NRG3: variants seen among roughly 807,000 people sequenced by gnomAD.
NRG3 encodes neuregulin 3.
A neutral mutation model predicts 66.9 loss-of-function variants in NRG3; 31 were observed. The observed-to-expected ratio is 0.46, with a 90% CI of 0.35 to 0.63. NRG3 has a LOEUF of 0.63. Among genes scored for constraint, NRG3 ranks in the 20% least tolerant of loss-of-function variants. The probability of loss-of-function intolerance (pLI) is 0.00; values close to 1 mark genes in which losing one functional copy is unlikely to be tolerated. For synonymous variants in NRG3, 393 were observed against 359.4 expected (o/e 1.09, Z -1.06); for missense variants, 910 against 878.9 (o/e 1.04, Z -0.45).
At chr10:82,134,958 A>G (rs183122704) in intron 1 of NRG3, among the ~76,000 whole-genome samples, 1 of 151,800 alleles carries the variant, frequency 6.6e-6, no homozygotes, top group African/African-American at 2.4e-5. Flanking sequence ...CCTCATCTCT[A>G]CTAAAAAATA....
At chr10:82,976,385 T>C (rs1390636146) in intron 7 of NRG3, among the ~76,000 whole-genome samples, 1 of 151,976 alleles carries the variant, frequency 6.6e-6, no homozygotes, top group South Asian at 2.1e-4. Flanking sequence ...TGTATGTAGG[T>C]TTTTTGCATT....
chr10:81,894,134 A>G (rs2132586878), intron 1 of NRG3, among the ~76,000 whole-genome samples: 1 of 152,208 alleles, frequency 6.6e-6, no homozygotes, highest in African/African-American at 2.4e-5. Context: ...TGAGGTTAGG[A>G]GTTTAAGACC....
chr10:82,236,970 C>T (rs922292367), intron 1 of NRG3, among the ~76,000 whole-genome samples: 2 of 152,126 alleles, frequency 1.3e-5, no homozygotes, highest in Admixed American at 6.5e-5. Flanking sequence ...CCACCTTGGC[C>T]TCCCAAAGTA....
intron 2 of NRG3, among the ~76,000 whole-genome samples, chr10:82,395,194 A>G (rs1439931356): frequency 1.3e-5 from 2 of 152,232 alleles, no homozygotes; most frequent in Non-Finnish European, 2.9e-5. Context: ...ATCAGCTGAA[A>G]TTCAGCTAGC....
At chr10:82,310,555 G>A (rs1207190962) in intron 1 of NRG3, among the ~76,000 whole-genome samples, 8 of 152,016 alleles carry the variant, frequency 5.3e-5, no homozygotes, top group Non-Finnish European at 8.8e-5. Flanking sequence ...GAATAATATC[G>A]TATTTTCCAA....
intron 1 of NRG3, among the ~76,000 whole-genome samples, chr10:82,290,790 C>T (rs553010486): frequency 2.8e-5 from 4 of 144,016 alleles, no homozygotes; most frequent in East Asian, 4.2e-4. Flanking sequence ...TCCACCACCA[C>T]GCCTGGCTAA....
At chr10:82,087,852 C>T (rs2065814884) in intron 1 of NRG3, among the ~76,000 whole-genome samples, 1 of 152,138 alleles carries the variant, frequency 6.6e-6, no homozygotes, top group South Asian at 2.1e-4. Flanking sequence ...AGCCTATTAG[C>T]ACATCCTAGT....
intron 3 of NRG3, among the ~76,000 whole-genome samples, chr10:82,815,132 G>T (rs1249100108): frequency 6.6e-6 from 1 of 152,180 alleles, no homozygotes; most frequent in Non-Finnish European, 1.5e-5. Context: ...GTTGGCTTTG[G>T]TCATACCATC....
intron 2 of NRG3, among the ~76,000 whole-genome samples, chr10:82,393,931 A>G (rs2086552789): frequency 6.6e-6 from 1 of 152,196 alleles, no homozygotes; most frequent in African/African-American, 2.4e-5. Flanking sequence ...GTGGTCAGAG[A>G]TTCTTCCATG....
intron 2 of NRG3, among the ~76,000 whole-genome samples, chr10:82,737,898 G>C (rs2134734911): frequency 6.6e-6 from 1 of 152,198 alleles, no homozygotes; most frequent in South Asian, 2.1e-4. Context: ...CAGGACAGTT[G>C]GCTTGTACAA....
At chr10:82,276,249 C>T (rs1016133501) in intron 1 of NRG3, among the ~76,000 whole-genome samples, 1 of 151,758 alleles carries the variant, frequency 6.6e-6, no homozygotes, top group African/African-American at 2.4e-5. Context: ...ACTACAAATA[C>T]CTGTTCAAGA....
At chr10:82,803,723 A>G (rs928583367) in intron 3 of NRG3, among the ~76,000 whole-genome samples, 3 of 152,146 alleles carry the variant, frequency 2.0e-5, no homozygotes, top group African/African-American at 7.2e-5. Context: ...AAGCGTAAAT[A>G]TGTATTTTGA....
At chr10:82,823,052 CAG>C (rs1241034080) in intron 3 of NRG3, among the ~76,000 whole-genome samples, 7 of 152,192 alleles carry the variant, frequency 4.6e-5, no homozygotes, top group African/African-American at 1.7e-4. Flanking sequence ...CTTCTTCTGC[CAG>C]AGAGATCATC....
chr10:82,201,196 CAAAAAAAA>C (rs35232518), intron 1 of NRG3, among the ~76,000 whole-genome samples: 2 of 78,052 alleles, frequency 2.6e-5, no homozygotes, highest in African/African-American at 9.7e-5. Flanking sequence ...GACTCTGTCT[CAAAAAAAA>C]AAAAAAAAAA....
chr10:82,285,364 T>C (rs2079360418), intron 1 of NRG3, among the ~76,000 whole-genome samples: 1 of 152,220 alleles, frequency 6.6e-6, no homozygotes, highest in African/African-American at 2.4e-5. Context: ...TCAATCCCAC[T>C]TCTTGTTCAT....
chr10:82,077,204 G>A (rs924539266), intron 1 of NRG3, among the ~76,000 whole-genome samples: 2 of 152,126 alleles, frequency 1.3e-5, no homozygotes, highest in African/African-American at 2.4e-5. Context: ...ACATTTATTT[G>A]CTGTATAGAA....
chr10:82,524,026 A>G (rs1197523979), intron 2 of NRG3, among the ~76,000 whole-genome samples: 1 of 152,048 alleles, frequency 6.6e-6, no homozygotes, highest in Non-Finnish European at 1.5e-5. Context: ...TAGAGCCTGA[A>G]TTGTGAAGTG....
intron 2 of NRG3, among the ~76,000 whole-genome samples, chr10:82,671,487 G>A (rs2053270005): frequency 6.6e-6 from 1 of 152,146 alleles, no homozygotes; most frequent in South Asian, 2.1e-4. Flanking sequence ...TTGCCACTCT[G>A]AAGATATATG....
intron 4 of NRG3, among the ~76,000 whole-genome samples, chr10:82,921,035 C>A (rs1846371858): frequency 6.6e-6 from 1 of 151,836 alleles, no homozygotes; most frequent in Non-Finnish European, 1.5e-5. Flanking sequence ...GACTTTTCTT[C>A]CAGAGAGCAG....
Sources: gnomAD v4.1 joint callset for allele counts (sites outside exome capture counted in the v4.1 genomes callset) on GRCh38, gnomAD v4.1.1 for gene constraint, MANE v1.5 for transcripts, NCBI Gene and HGNC (gene_info 2026-07-23, HGNC 2026-07-21) for gene names.